Variants in NRP1 observed in about 807,000 individuals in gnomAD.
NRP1 encodes neuropilin-1.
In NRP1, 35 loss-of-function variants were observed where a neutral mutation model predicts 106.7. That is an observed-to-expected ratio of 0.33 (90% CI 0.25 to 0.43). NRP1 has a LOEUF of 0.43. Ranked by LOEUF, NRP1 falls within the 20% of genes least tolerant of loss-of-function variation. The pLI is 1.00. For synonymous variants in NRP1, 437 were observed against 417.9 expected (o/e 1.05, Z -0.56); for missense variants, 1,024 against 1,170.4 (o/e 0.87, Z 1.83).
intron 2 of NRP1, among the ~76,000 whole-genome samples, chr10:33,273,465 A>G (rs1843458731): frequency 6.6e-6 from 1 of 152,160 alleles, no homozygotes; most frequent in Non-Finnish European, 1.5e-5. Flanking sequence ...ATCCCTCCCT[A>G]GAGACTAAAC....
At chr10:33,240,437 C>T (rs1437104907) in intron 6 of NRP1, among the ~76,000 whole-genome samples, 1 of 152,196 alleles carries the variant, frequency 6.6e-6, no homozygotes, top group Non-Finnish European at 1.5e-5. Flanking sequence ...AAATGCGTTG[C>T]TGATTATTGG....
intron 2 of NRP1, among the ~76,000 whole-genome samples, chr10:33,310,214 G>A (rs993890531): frequency 6.9e-5 from 10 of 144,640 alleles, no homozygotes; most frequent in African/African-American, 7.7e-5. Flanking sequence ...CTCCGAAAGT[G>A]CTGGGATTAC....
chr10:33,210,324 T>C lies in NRP1; in HGVS notation c.1615-2608A>G, dbSNP rs75863064. On this transcript the variant is annotated intron_variant, in intron 9 of 16. Coordinates refer to ENST00000374867, the MANE Select transcript of NRP1 (RefSeq NM_003873.7). Reference sequence around the variant, plus strand: ...AATTAAGTTATTGTCAGTAGGATACTAATTATAATGAAAATACCATTACTA... The same window carrying C: ...AATTAAGTTATTGTCAGTAGGATACCAATTATAATGAAAATACCATTACTA... Among the ~76,000 whole-genome samples, 156 of 152,304 alleles carry C rather than the reference T, an allele frequency of 1.0e-3. 1 individual carries two copies. The highest frequency in any genetic ancestry group is 3.9e-3 in the South Asian group (19 of 4,824).
At chr10:33,287,166 C>G (rs1407040267) in intron 2 of NRP1, among the ~76,000 whole-genome samples, 1 of 152,154 alleles carries the variant, frequency 6.6e-6, no homozygotes, top group Non-Finnish European at 1.5e-5. Context: ...GCAGAAGTAA[C>G]ATTGAATTTG....
At chr10:33,319,360 T>C (rs1451188610) in intron 2 of NRP1, among the ~76,000 whole-genome samples, 2 of 151,960 alleles carry the variant, frequency 1.3e-5, no homozygotes, top group African/African-American at 2.4e-5. Flanking sequence ...CAGTGCTCTG[T>C]AAAAATGCAC....
intron 2 of NRP1, among the ~76,000 whole-genome samples, chr10:33,305,989 G>A (rs969555026): frequency 2.6e-5 from 4 of 151,916 alleles, no homozygotes; most frequent in African/African-American, 7.3e-5. Context: ...GGCTGGTCTC[G>A]AACTCCTCAC....
At chr10:33,257,379 G>A (rs1842268924) in intron 4 of NRP1, among the ~76,000 whole-genome samples, 1 of 152,162 alleles carries the variant, frequency 6.6e-6, no homozygotes. Context: ...GCTCACTCTT[G>A]TAATCCCAGC....
At chr10:33,231,961 C>T (rs1840171966) in intron 6 of NRP1, among the ~76,000 whole-genome samples, 1 of 152,110 alleles carries the variant, frequency 6.6e-6, no homozygotes, top group African/African-American at 2.4e-5. Flanking sequence ...ATTGACATTA[C>T]TTGTCAAAAA....
At chr10:33,318,983 G>C (rs551904521) in intron 2 of NRP1, among the ~76,000 whole-genome samples, 3 of 147,890 alleles carry the variant, frequency 2.0e-5, no homozygotes, top group Admixed American at 6.8e-5. Context: ...TGGGGACTTA[G>C]AGAACTTTTC....
chr10:33,197,896 A>AT (rs201648377), intron 11 of NRP1, among the ~76,000 whole-genome samples, 187 bp from the exon 12 acceptor site: 172 of 147,412 alleles, frequency 1.2e-3, no homozygotes, highest in East Asian at 4.1e-3. Flanking sequence ...ATAAACCATT[A>AT]TTTTTTTTTT....
intron 2 of NRP1, among the ~76,000 whole-genome samples, chr10:33,287,074 A>G (rs1844621001): frequency 6.6e-6 from 1 of 152,216 alleles, no homozygotes; most frequent in East Asian, 1.9e-4. Context: ...TATATCAATT[A>G]CTTACTAAGG....
intron 7 of NRP1, among the ~76,000 whole-genome samples, chr10:33,222,529 T>TTATA (rs1839339105): frequency 8.8e-6 from 1 of 113,400 alleles, no homozygotes; most frequent in Non-Finnish European, 1.9e-5. Context: ...ATTTATTTAT[T>TTATA]TATTTATTTA....
chr10:33,275,948 A>G (rs1361125815), intron 2 of NRP1, among the ~76,000 whole-genome samples: 1 of 152,094 alleles, frequency 6.6e-6, no homozygotes, highest in Admixed American at 6.6e-5. Flanking sequence ...AAACTCAACA[A>G]AAGTTTCTTA....
At position 33,241,456 on chromosome 10, in the gene NRP1, A is replaced by C. The variant is rs1230884777; in HGVS notation, c.981+12572T>G. On this transcript the variant is annotated intron_variant, in intron 6 of 16. Transcript: ENST00000374867. ...ATAGGAGGACAAACACAGATGTCAC[A>C]CTAACTACATCGTGTTATTCCTCCC... is the stretch of plus-strand genomic sequence containing the variant. Among the ~76,000 whole-genome samples, 3 of 138,490 alleles carry C rather than the reference A, an allele frequency of 2.2e-5. No homozygotes were observed. In the East Asian group the frequency reaches 6.8e-4, roughly 31 times the overall value. The allele number at this position is 138,490 out of a possible 152,430, so 90.9% of individuals were successfully genotyped here. A position where few individuals can be genotyped will look rare whatever the true frequency, so the allele number is the denominator to read the frequency against.
At chr10:33,200,426 A>C (rs2132684778) in intron 11 of NRP1, among the ~76,000 whole-genome samples, 1 of 152,338 alleles carries the variant, frequency 6.6e-6, no homozygotes, top group Non-Finnish European at 1.5e-5. Flanking sequence ...TACACCTGGA[A>C]TTTGGTGTGG....
intron 10 of NRP1, among the ~76,000 whole-genome samples, chr10:33,207,195 T>G (rs1837856406): frequency 6.6e-6 from 1 of 152,186 alleles, no homozygotes; most frequent in Non-Finnish European, 1.5e-5. Context: ...GGAAATATTT[T>G]GGAACTAGAA....
At chr10:33,229,104 AT>A (rs1340959295) in intron 6 of NRP1, among the ~76,000 whole-genome samples, 3 of 152,086 alleles carry the variant, frequency 2.0e-5, no homozygotes, top group African/African-American at 7.2e-5. Context: ...GCAAAACCAA[AT>A]TTTTTTTAGT....
At chr10:33,194,819 T>C (rs1836661527) in intron 12 of NRP1, 3 of 498,502 alleles carry the variant, frequency 6.0e-6, no homozygotes, top group South Asian at 3.0e-5. Context: ...TAAACATTTA[T>C]AGAAAGGGAA....
At chr10:33,246,979 C>T (rs1888688) in intron 6 of NRP1, among the ~76,000 whole-genome samples, 26,827 of 152,112 alleles carry the variant, frequency 0.18, 2,798 homozygotes, top group East Asian at 0.51. Flanking sequence ...AATGATTTCA[C>T]AGGCGATACC....
Sources: allele counts gnomAD v4.1 joint callset (sites outside exome capture counted in the v4.1 genomes callset), GRCh38; gene constraint gnomAD v4.1.1; transcripts MANE v1.5; gene names NCBI Gene and HGNC (gene_info 2026-07-23, HGNC 2026-07-21).